Variants in FGD5 observed in about 807,000 individuals in gnomAD.
The protein encoded by FGD5 is FYVE, RhoGEF and PH domain containing 5.
FGD5 carries 28 observed loss-of-function variants against 133.4 expected under a neutral mutation model. That is an observed-to-expected ratio of 0.21 (90% CI 0.16 to 0.29). The LOEUF (loss-of-function observed/expected upper bound fraction) is 0.29, where lower values mean the gene tolerates loss of function less well. Among genes scored for constraint, FGD5 ranks in the 10% least tolerant of loss-of-function variants. FGD5 has a pLI of 1.00. For missense variants in FGD5, 1,858 were observed against 1,895.2 expected (o/e 0.98, Z 0.36); for synonymous variants, 810 against 776.5 (o/e 1.04, Z -0.72).
chr3:14,864,391 G>A (rs879863659), intron 2 of FGD5, 131 bp downstream of exon 2: 3 of 1,401,906 alleles, frequency 2.1e-6, no homozygotes, highest in African/African-American at 1.4e-5. Context: ...GGATGCAGGG[G>A]CTGAGACACG....
At chr3:14,912,415 A>T (rs1393330466) in intron 11 of FGD5, among the ~76,000 whole-genome samples, 1 of 151,010 alleles carries the variant, frequency 6.6e-6, no homozygotes, top group Non-Finnish European at 1.5e-5. Context: ...TGCAGGCAAG[A>T]GGAGAGTGGA....
At chr3:14,860,919 C>T (rs1575214210) in intron 1 of FGD5, among the ~76,000 whole-genome samples, 1 of 152,138 alleles carries the variant, frequency 6.6e-6, no homozygotes, top group African/African-American at 2.4e-5. Flanking sequence ...GTTGAGGCTG[C>T]GGTGAGCTAT....
At chr3:14,890,637 C>T (rs562241638) in intron 4 of FGD5, among the ~76,000 whole-genome samples, 5 of 152,264 alleles carry the variant, frequency 3.3e-5, no homozygotes, top group East Asian at 3.9e-4. Context: ...GTTTTAAGAA[C>T]GGATGTTTGT....
intron 1 of FGD5, 30 bp downstream of exon 1, chr3:14,821,626 C>T (rs369297367): frequency 2.8e-5 from 43 of 1,526,042 alleles, no homozygotes; most frequent in African/African-American, 2.7e-4. Flanking sequence ...CTTTCTTGTT[C>T]GGCAGCTGTA....
chr3:14,929,697 A>G (rs2038870792), intron 18 of FGD5, among the ~76,000 whole-genome samples: 1 of 152,154 alleles, frequency 6.6e-6, no homozygotes, highest in Non-Finnish European at 1.5e-5. Context: ...CTTTTTTTAA[A>G]GTAGGTTGTA....
At chr3:14,860,017 A>G (rs1367439966) in intron 1 of FGD5, among the ~76,000 whole-genome samples, 1 of 152,260 alleles carries the variant, frequency 6.6e-6, no homozygotes, top group African/African-American at 2.4e-5. Context: ...CATCATGGTC[A>G]CAACTAAACA....
Position 14,821,422 on chromosome 3 carries a change from A to G in FGD5, c.2351A>G (p.Tyr784Cys), listed in dbSNP as rs759727146. 3.1e-6 allele frequency: 5 copies of G among 1,613,886 alleles called. No individual in the cohort carries two copies. The African/African-American group carries it at 5.3e-5, about 17-fold the overall frequency. ...AACATTCCAGCCATGAACTCGGACTATGAGAATATCCAGATTCCACCCCGG... is the reference window on the plus strand; with the variant it reads ...AACATTCCAGCCATGAACTCGGACTGTGAGAATATCCAGATTCCACCCCGG... ...YENIPAMNSD[Y>C]ENIQIPPRRP... The change falls in exon 1 of 20, where the codon TAT (tyrosine) becomes TGT (cysteine). Residue 784 changes from tyrosine (Y) to cysteine (C), a missense_variant. By Grantham distance (194) the Tyr-to-Cys change is radical (BLOSUM62 -2). Coordinates refer to ENST00000285046, the MANE Select transcript of FGD5 (RefSeq NM_152536.4).
At chr3:14,883,357 G>A (rs769191093) in intron 4 of FGD5, among the ~76,000 whole-genome samples, 9 of 152,028 alleles carry the variant, frequency 5.9e-5, no homozygotes, top group South Asian at 2.1e-4. Flanking sequence ...ATCCTTCCAG[G>A]AACCCAGTCA....
At chr3:14,886,866 T>G (rs1441912151) in intron 4 of FGD5, among the ~76,000 whole-genome samples, 1 of 152,272 alleles carries the variant, frequency 6.6e-6, no homozygotes, top group African/African-American at 2.4e-5. Flanking sequence ...AATTTATCCT[T>G]CTGCTAATCC....
intron 9 of FGD5, among the ~76,000 whole-genome samples, chr3:14,902,068 G>GA (rs1189845401): frequency 7.9e-5 from 12 of 152,088 alleles, no homozygotes; most frequent in African/African-American, 2.9e-4. Context: ...GATCACTTGA[G>GA]GTCAGGAGTT....
In FGD5 at chr3:14,933,489, A is replaced by C; in HGVS notation, c.*322A>C. 3.2e-6 allele frequency: 1 copy of C among 316,050 alleles called. No homozygotes were observed. Among genetic ancestry groups the C allele is most frequent in the South Asian group, 4.9e-5 (1 of 20,296 alleles). The allele number at this position is 316,050 out of a possible 1,614,324, so 19.6% of individuals were successfully genotyped here. A position where few individuals can be genotyped will look rare whatever the true frequency, so the allele number is the denominator to read the frequency against. On this transcript the variant is annotated 3_prime_UTR_variant, in exon 20 of 20. Transcript: ENST00000285046. ...AGATGTGGAAACCAATGAAAAGTAC[A>C]TTTAGAAATGCAGGCTTTTTAGTAG...
rs1254409602 is a variant in FGD5 at position 14,882,025 on chromosome 3, A to G, written c.2748+1253A>G. Among the ~76,000 whole-genome samples, 6 of 152,326 alleles carry G rather than the reference A, an allele frequency of 3.9e-5. No homozygotes were observed. The East Asian group carries it at 9.7e-4, about 25-fold the overall frequency. The stretch of plus-strand genomic sequence containing the variant: ...CAGCCAGGACCCCAGGAGGGCGGAT[A>G]GAGCACTACTCTGGTCTGGTGCTCT... On this transcript the variant is annotated intron_variant, in intron 4 of 19. Coordinates refer to ENST00000285046, the MANE Select transcript of FGD5 (RefSeq NM_152536.4).
chr3:14,907,505 G>A (rs931186712), intron 9 of FGD5, 135 bp from the exon 10 acceptor site: 58 of 716,066 alleles, frequency 8.1e-5, no homozygotes, highest in Non-Finnish European at 1.3e-4. Context: ...GCCTTGTACA[G>A]GAGGTTGGAT....
In FGD5 at chr3:14,910,881, G is replaced by C; in HGVS notation, c.3357G>C (p.Thr1119=). Residue 1119 remains threonine, a synonymous_variant, in exon 11 of 20, where the codon ACG becomes ACC. Coordinates refer to ENST00000285046, the MANE Select transcript of FGD5 (RefSeq NM_152536.4). ...CACAGGAGTTTCTGAAGGAAGGGAC[G>C]CTGATGAAAGTAACAGGGAAAAACA... ...QPGREFLKEG[T]LMKVTGKNRR... 6.2e-7 allele frequency: 1 copy of C among 1,613,376 alleles called. No homozygotes were observed. The highest frequency in any genetic ancestry group is 1.1e-5 in the South Asian group (1 of 90,868).
intron 7 of FGD5, 149 bp downstream of exon 7, chr3:14,898,975 G>T: frequency 1.4e-6 from 1 of 702,698 alleles, no homozygotes; most frequent in Non-Finnish European, 2.4e-6. Context: ...TTTCCCTCCA[G>T]TTGAGCTTTG....
chr3:14,861,171 C>T (rs754301602), intron 1 of FGD5, among the ~76,000 whole-genome samples: 11 of 152,076 alleles, frequency 7.2e-5, no homozygotes, highest in South Asian at 2.1e-4. Context: ...GGGAGTGGCT[C>T]GGGTTTGGGA....
chr3:14,835,616 C>T (rs1336551808), intron 1 of FGD5, among the ~76,000 whole-genome samples: 1 of 152,190 alleles, frequency 6.6e-6, no homozygotes, highest in East Asian at 1.9e-4. Flanking sequence ...TTACAGCTTA[C>T]AAAGCTTTTT....
chr3:14,845,724 C>T (rs1261676470), intron 1 of FGD5, among the ~76,000 whole-genome samples: 2 of 152,202 alleles, frequency 1.3e-5, no homozygotes, highest in Non-Finnish European at 2.9e-5. Context: ...CATCCCCCCA[C>T]AGGTCTAGAG....
intron 4 of FGD5, among the ~76,000 whole-genome samples, chr3:14,896,236 A>G (rs2038135907): frequency 1.3e-5 from 2 of 152,182 alleles, no homozygotes; most frequent in Non-Finnish European, 2.9e-5. Context: ...AATCCAATAC[A>G]ATCCCTATCA....
Sources: gnomAD v4.1 joint callset for allele counts (sites outside exome capture counted in the v4.1 genomes callset) on GRCh38, gnomAD v4.1.1 for gene constraint, MANE v1.5 for transcripts, NCBI Gene and HGNC (gene_info 2026-07-23, HGNC 2026-07-21) for gene names.